CSMD1: variants seen among roughly 807,000 people sequenced by gnomAD.
CSMD1 encodes the protein CUB and sushi domain-containing protein 1.
In CSMD1, 213 loss-of-function variants were observed where a neutral mutation model predicts 417.5. The ratio of observed to expected loss-of-function variants is 0.51; its 90% CI spans 0.46 to 0.57. The LOEUF (loss-of-function observed/expected upper bound fraction) is 0.57, where lower values mean the gene tolerates loss of function less well. CSMD1 is among the 20% of genes least tolerant of loss of function. CSMD1 has a pLI of 0.00. For synonymous variants in CSMD1, 2,862 were observed against 1,736.8 expected, an observed-to-expected ratio of 1.65 and a Z score of -16.11; for missense variants, 6,923 against 4,529.7, an observed-to-expected ratio of 1.53 and a Z score of -15.17.
At chr8:4,308,291 G>A (rs1278441276) in intron 3 of CSMD1, among the ~76,000 whole-genome samples, 5 of 152,020 alleles carry the variant, frequency 3.3e-5, no homozygotes, top group Admixed American at 6.6e-5. Flanking sequence ...GATGGTGTGT[G>A]TGAAGTTTGA....
chr8:4,315,244 A>T (rs573468452), intron 3 of CSMD1, among the ~76,000 whole-genome samples: 115 of 152,236 alleles, frequency 7.6e-4, no homozygotes, highest in African/African-American at 2.7e-3. Flanking sequence ...CTCTGGCTTG[A>T]AGACCAGAGT....
chr8:3,885,841 C>T (rs554751168), intron 5 of CSMD1, among the ~76,000 whole-genome samples: 4 of 152,040 alleles, frequency 2.6e-5, no homozygotes, highest in East Asian at 1.9e-4. Flanking sequence ...ACCTGGCAAA[C>T]GTCTCTGTGA....
intron 12 of CSMD1, among the ~76,000 whole-genome samples, chr8:3,445,042 C>T (rs1400619646): frequency 6.6e-6 from 1 of 152,170 alleles, no homozygotes; most frequent in Non-Finnish European, 1.5e-5. Flanking sequence ...TTCTTAAACA[C>T]TCTGGAGATG....
chr8:3,468,017 T>G (rs1816877944), intron 12 of CSMD1, among the ~76,000 whole-genome samples: 1 of 152,204 alleles, frequency 6.6e-6, no homozygotes. Context: ...TTTAAGGAAC[T>G]CAGTTACCAA....
chr8:3,507,822 T>G (rs1369979102), intron 10 of CSMD1, among the ~76,000 whole-genome samples: 1 of 152,216 alleles, frequency 6.6e-6, no homozygotes, highest in African/African-American at 2.4e-5. Context: ...AAATATCTGT[T>G]CATATCCTTT....
chr8:4,946,107 G>A (rs898536309), intron 1 of CSMD1, among the ~76,000 whole-genome samples: 2 of 152,082 alleles, frequency 1.3e-5, no homozygotes, highest in Non-Finnish European at 2.9e-5. Context: ...CTGTCTCTAC[G>A]TGGCTCTGAG....
intron 6 of CSMD1, among the ~76,000 whole-genome samples, chr8:3,719,043 T>C (rs1045742430): frequency 2.6e-5 from 4 of 152,112 alleles, no homozygotes; most frequent in African/African-American, 9.7e-5. Flanking sequence ...GCACTCTACG[T>C]ATTGAGATGT....
chr8:4,593,066 A>T (rs1457452122), intron 2 of CSMD1, among the ~76,000 whole-genome samples: 1 of 152,130 alleles, frequency 6.6e-6, no homozygotes, highest in East Asian at 1.9e-4. Flanking sequence ...GTGTCATCTC[A>T]TCCTGCGATA....
intron 11 of CSMD1, among the ~76,000 whole-genome samples, chr8:3,478,384 C>G (rs1340808478): frequency 6.6e-6 from 1 of 152,224 alleles, no homozygotes; most frequent in Non-Finnish European, 1.5e-5. Flanking sequence ...GCAGCCCACA[C>G]TACTTAAAAG....
At chr8:3,488,532 C>T (rs995224124) in intron 11 of CSMD1, among the ~76,000 whole-genome samples, 2 of 152,148 alleles carry the variant, frequency 1.3e-5, no homozygotes, top group East Asian at 3.9e-4. Context: ...AGCACTCTTA[C>T]TATTAATAAT....
intron 54 of CSMD1, among the ~76,000 whole-genome samples, chr8:2,984,331 G>C (rs377173649): frequency 6.6e-6 from 1 of 152,082 alleles, no homozygotes. Flanking sequence ...AAACCTGTGC[G>C]TTGAGGCTAT....
intron 1 of CSMD1, among the ~76,000 whole-genome samples, chr8:4,770,821 A>C (rs1796563770): frequency 6.6e-6 from 1 of 152,162 alleles, no homozygotes; most frequent in Non-Finnish European, 1.5e-5. Flanking sequence ...AATGAATAAA[A>C]ATCCTAAACA....
chr8:3,432,723 C>T (rs983427793), intron 12 of CSMD1, among the ~76,000 whole-genome samples: 2 of 152,056 alleles, frequency 1.3e-5, no homozygotes, highest in African/African-American at 2.4e-5. Context: ...ACCATGTTGG[C>T]CAGGATGGTC....
intron 1 of CSMD1, among the ~76,000 whole-genome samples, chr8:4,821,693 C>A (rs957656704): frequency 6.6e-6 from 1 of 152,032 alleles, no homozygotes; most frequent in East Asian, 1.9e-4. Context: ...GAAGAAAGAG[C>A]CCTATTCATT....
At chr8:4,441,097 T>TTTTG (rs1296024091) in intron 2 of CSMD1, among the ~76,000 whole-genome samples, 2 of 91,766 alleles carry the variant, frequency 2.2e-5, no homozygotes, top group African/African-American at 8.4e-5. Flanking sequence ...ATCAAAAGGT[T>TTTTG]TTTTTTTTTT....
intron 3 of CSMD1, among the ~76,000 whole-genome samples, chr8:4,132,548 G>A (rs772464287): frequency 1.2e-4 from 19 of 152,098 alleles, no homozygotes; most frequent in Non-Finnish European, 1.6e-4. Context: ...TGCAAAGGGG[G>A]CAATAAATAA....
intron 1 of CSMD1, among the ~76,000 whole-genome samples, chr8:4,870,646 T>C (rs1236425816): frequency 6.6e-6 from 1 of 151,842 alleles, no homozygotes; most frequent in Non-Finnish European, 1.5e-5. Context: ...GCACCACGAG[T>C]GAGGGAATGG....
At chr8:3,139,216 G>A (rs1367151178) in intron 41 of CSMD1, among the ~76,000 whole-genome samples, 4 of 152,212 alleles carry the variant, frequency 2.6e-5, no homozygotes, top group Non-Finnish European at 5.9e-5. Context: ...AGGCACAAGA[G>A]TTATCAGCTG....
chr8:3,432,062 CATA>C (rs1381366805), intron 12 of CSMD1, among the ~76,000 whole-genome samples: 1 of 152,076 alleles, frequency 6.6e-6, no homozygotes, highest in African/African-American at 2.4e-5. Flanking sequence ...AAAATTATAA[CATA>C]ATAATAGGGT....
Sources: allele counts gnomAD v4.1 joint callset (sites outside exome capture counted in the v4.1 genomes callset), GRCh38; gene constraint gnomAD v4.1.1; transcripts MANE v1.5; gene names NCBI Gene and HGNC (gene_info 2026-07-23, HGNC 2026-07-21).